CD44: variants seen among roughly 807,000 people sequenced by gnomAD.
CD44 encodes the protein CD44 molecule (IN blood group).
A neutral mutation model predicts 88.8 loss-of-function variants in CD44; 49 were observed. The observed-to-expected ratio is 0.55, with a 90% CI of 0.44 to 0.70. The LOEUF is 0.70. Ranked by LOEUF, CD44 falls within the 30% of genes least tolerant of loss-of-function variation. The probability of loss-of-function intolerance (pLI) is 0.00; values close to 1 mark genes in which losing one functional copy is unlikely to be tolerated. For missense variants in CD44, 883 were observed against 913.8 expected (o/e 0.97, Z 0.43); for synonymous variants, 325 against 312.3 (o/e 1.04, Z -0.43).
At chr11:35,148,559 C>T (rs1174516753) in intron 1 of CD44, among the ~76,000 whole-genome samples, 1 of 152,174 alleles carries the variant, frequency 6.6e-6, no homozygotes, top group East Asian at 1.9e-4. Flanking sequence ...TATTGTTCCC[C>T]CTGAAAATTC....
At chr11:35,214,140 GA>G (rs374815282) in intron 14 of CD44, 132 of 152,256 alleles carry the variant, frequency 8.7e-4, no homozygotes, top group African/African-American at 3.1e-3. Context: ...TCTGGTGATA[GA>G]TGTTTGAGAA....
At chr11:35,163,957 T>G (rs762807728) in intron 1 of CD44, among the ~76,000 whole-genome samples, 1 of 152,094 alleles carries the variant, frequency 6.6e-6, no homozygotes, top group Non-Finnish European at 1.5e-5. Context: ...CAAGTTTCAA[T>G]GATCGCAATA....
intron 1 of CD44, among the ~76,000 whole-genome samples, chr11:35,162,833 A>G (rs1203496750): frequency 6.6e-6 from 1 of 152,096 alleles, no homozygotes; most frequent in Non-Finnish European, 1.5e-5. Context: ...TGGACTGCGA[A>G]GGAGACCCTG....
chr11:35,165,321 G>A (rs925504926), intron 1 of CD44, among the ~76,000 whole-genome samples: 1 of 152,156 alleles, frequency 6.6e-6, no homozygotes, highest in African/African-American at 2.4e-5. Flanking sequence ...GAGGGGAATG[G>A]GGAAAATTAG....
In CD44 at chr11:35,201,209, CA is replaced by C. The variant is rs753547249; in HGVS notation, c.1036+15del. The C allele has an allele frequency of 6.4e-6, 10 of 1,552,826 alleles. No individual in the cohort carries two copies. In the African/African-American group the frequency reaches 1.4e-4, roughly 21 times the overall value. ...CAAGGATGACTGGTAATGGGTTCTG[CA>C]TATTTAATGAAAGATTTTTTTCCCC... On this transcript the variant is annotated intron_variant, in intron 8 of 17. Coordinates refer to ENST00000428726, the MANE Select transcript of CD44 (RefSeq NM_000610.4).
In CD44 at chr11:35,172,569, A is replaced by G. The variant is rs955049052; in HGVS notation, c.68-4006A>G. On this transcript the variant is annotated intron_variant, in intron 1 of 17. Coordinates refer to ENST00000428726, the MANE Select transcript of CD44 (RefSeq NM_000610.4). ...TGGATGGCATATCGCTGCAGGCTTC[A>G]TCTTCAACATCATCTTGTCCCTTCT... Among the ~76,000 whole-genome samples the G allele has an allele frequency of 3.3e-5, 5 of 152,282 alleles. No individual in the cohort carries two copies. The East Asian group carries it at 9.6e-4, about 29-fold the overall frequency.
At chr11:35,162,455 G>A (rs962639342) in intron 1 of CD44, among the ~76,000 whole-genome samples, 3 of 152,236 alleles carry the variant, frequency 2.0e-5, no homozygotes, top group African/African-American at 7.2e-5. Context: ...CATGGATCAT[G>A]CTCCTTAAAA....
chr11:35,198,109 T>C lies in CD44; in HGVS notation c.797-12T>C, dbSNP rs1946939792. On this transcript the variant is annotated splice_polypyrimidine_tract_variant and intron_variant, in intron 6 of 17. Transcript: ENST00000428726. ...CGTCCAGCTCAGCCACTAATGCAAG[T>C]CACCACAACAGGTACGTCTTCAAAT... 1 of 1,610,778 alleles carries C rather than the reference T, an allele frequency of 6.2e-7. No individual in the cohort carries two copies. Among genetic ancestry groups the C allele is most frequent in the African/African-American group, 1.3e-5 (1 of 74,820 alleles).
chr11:35,168,949 G>T (rs920845514), intron 1 of CD44, among the ~76,000 whole-genome samples: 2 of 152,208 alleles, frequency 1.3e-5, no homozygotes, highest in Non-Finnish European at 2.9e-5. Context: ...AAAACTAAAA[G>T]TTGGTCTCTG....
intron 6 of CD44, 189 bp downstream of exon 6, chr11:35,197,063 C>A: frequency 1.7e-6 from 1 of 575,460 alleles, no homozygotes; most frequent in Non-Finnish European, 3.1e-6. Flanking sequence ...CAGATTTCTT[C>A]TTTCTAATCT....
rs35498342 is a variant in CD44 at position 35,204,603 on chromosome 11, A to C, written c.1245A>C (p.Thr415=). 682 of 1,613,286 alleles carry C rather than the reference A, an allele frequency of 4.2e-4. 2 individuals carry two copies. The African/African-American group carries it at 8.1e-3, about 19-fold the overall frequency. ...GATGGCATGAGGGATATCGCCAAACACCCAAAGAAGACTCCCATTCGACAA... is the reference window on the plus strand; with the variant it reads ...GATGGCATGAGGGATATCGCCAAACCCCCAAAGAAGACTCCCATTCGACAA... ...GNRWHEGYRQ[T]PKEDSHSTTG... is the part of the protein sequence containing the mutation. Residue 415 remains threonine (T), a synonymous_variant, in exon 10 of 18, where the codon ACA becomes ACC. Transcript: ENST00000428726.
At chr11:35,167,063 C>T (rs1012956278) in intron 1 of CD44, among the ~76,000 whole-genome samples, 2 of 152,160 alleles carry the variant, frequency 1.3e-5, no homozygotes, top group Non-Finnish European at 2.9e-5. Context: ...AGAAAGACTC[C>T]CAGATGAAAA....
intron 1 of CD44, among the ~76,000 whole-genome samples, chr11:35,147,381 C>T (rs1284584215): frequency 6.6e-6 from 1 of 152,110 alleles, no homozygotes; most frequent in Non-Finnish European, 1.5e-5. Flanking sequence ...ATACTATAGC[C>T]CTTCTCTCCA....
At chr11:35,195,215 G>A (rs1946622555) in intron 5 of CD44, among the ~76,000 whole-genome samples, 1 of 152,188 alleles carries the variant, frequency 6.6e-6, no homozygotes, top group Non-Finnish European at 1.5e-5. Context: ...TTTCATTGAT[G>A]GAGTTAATGG....
rs758170794 is a variant in CD44 at position 35,231,431 on chromosome 11, C to T, written c.*2098C>T. On this transcript the variant is annotated 3_prime_UTR_variant, in exon 18 of 18. Transcript: ENST00000428726. Reference sequence around the variant, plus strand: ...AGTCTCATAGCCAGAGATGGTTTTCCACTCCTTCTAGATATTCCCAAAAAG... The same window carrying T: ...AGTCTCATAGCCAGAGATGGTTTTCTACTCCTTCTAGATATTCCCAAAAAG... 6.6e-6 allele frequency: 1 copy of T among 152,174 alleles called. No individual in the cohort carries two copies. The highest frequency in any genetic ancestry group is 1.5e-5 in the Non-Finnish European group (1 of 68,034). The allele number at this position is 152,174 out of a possible 1,614,324, so 9.4% of individuals were successfully genotyped here.
At chr11:35,225,953 AAGAAGCTGGGCT>A (rs1949667893) in intron 17 of CD44, among the ~76,000 whole-genome samples, 1 of 152,252 alleles carries the variant, frequency 6.6e-6, no homozygotes, top group African/African-American at 2.4e-5. Context: ...TTACATAATG[AAGAAGCTGGGCT>A]AGATGATCTC....
At position 35,211,418 on chromosome 11, in the gene CD44, T is replaced by C. The variant is rs1360568556; in HGVS notation, c.1779T>C (p.Asp593=). Residue 593 remains aspartate (D), a synonymous_variant, in exon 14 of 18, where the codon GAT becomes GAC. Coordinates refer to ENST00000428726, the MANE Select transcript of CD44 (RefSeq NM_000610.4). ...GAGTTACTGCAGTTACTGTTGGAGA[T>C]TCCAACTCTAATGTCAATCGTTCCT... ...SFGVTAVTVG[D]SNSNVNRSLS... is the part of the protein sequence containing the mutation. The C allele has an allele frequency of 6.2e-7, 1 of 1,613,884 alleles. No homozygotes were observed. The highest frequency in any genetic ancestry group is 8.5e-7 in the Non-Finnish European group (1 of 1,179,802).
intron 1 of CD44, among the ~76,000 whole-genome samples, chr11:35,148,142 C>A (rs1407445265): frequency 6.6e-6 from 1 of 152,040 alleles, no homozygotes; most frequent in African/African-American, 2.4e-5. Context: ...GCAGCCAACA[C>A]CTGGTCTCCT....
rs1427218373 is a variant in CD44, at chr11:35,201,196, G to C, written c.1036+1G>C. 3 of 1,591,262 alleles carry C rather than the reference G, an allele frequency of 1.9e-6. No individual in the cohort carries two copies. Among genetic ancestry groups the C allele is most frequent in the South Asian group, 1.1e-5 (1 of 90,674 alleles). On this transcript the variant is annotated splice_donor_variant, in intron 8 of 17. Transcript: ENST00000428726. LOFTEE classifies it high-confidence loss of function. ...CTTCAGACAACCACAAGGATGACTGGTAATGGGTTCTGCATATTTAATGAA... is the reference window on the plus strand; with the variant it reads ...CTTCAGACAACCACAAGGATGACTGCTAATGGGTTCTGCATATTTAATGAA...
Sources: allele counts gnomAD v4.1 joint callset (sites outside exome capture counted in the v4.1 genomes callset), GRCh38; gene constraint gnomAD v4.1.1; transcripts MANE v1.5; gene names NCBI Gene and HGNC (gene_info 2026-07-23, HGNC 2026-07-21).